The following CDH17 variants were observed in gnomAD, a reference collection of about 807,000 sequenced individuals.
CDH17 encodes cadherin 17, also known as cadherin-17.
CDH17 carries 67 observed loss-of-function variants against 86.3 expected under a neutral mutation model. That is an observed-to-expected ratio of 0.78 (90% CI 0.64 to 0.95). The LOEUF is 0.95. Among genes scored for constraint, CDH17 ranks in the 40% least tolerant of loss-of-function variants. The pLI is 0.00. For synonymous variants in CDH17, 367 were observed against 366.4 expected, an observed-to-expected ratio of 1.00 and a Z score of -0.02; for missense variants, 993 against 1,017.6, an observed-to-expected ratio of 0.98 and a Z score of 0.33.
At chr8:94,149,160 G>A (rs924449483) in intron 13 of CDH17, among the ~76,000 whole-genome samples, 1 of 152,136 alleles carries the variant, frequency 6.6e-6, no homozygotes, top group East Asian at 1.9e-4. Flanking sequence ...ATTAGGAAGG[G>A]TATAGTTCAC....
chr8:94,211,088 A>T (rs1055266440), upstream of CDH17, among the ~76,000 whole-genome samples: 12 of 151,876 alleles, frequency 7.9e-5, no homozygotes, highest in Admixed American at 7.9e-4. Context: ...CTTTCAACTC[A>T]CAGCTTCATG....
chr8:94,156,011 G>A (rs1812942994), intron 12 of CDH17, among the ~76,000 whole-genome samples: 1 of 152,206 alleles, frequency 6.6e-6, no homozygotes, highest in Admixed American at 6.5e-5. Context: ...CCGGCCACGT[G>A]CATTGTGTTT....
intron 4 of CDH17, 111 bp from the exon 5 acceptor site, chr8:94,176,790 A>G: frequency 9.0e-7 from 1 of 1,108,562 alleles, no homozygotes. Flanking sequence ...TGGTGACTGT[A>G]GGAGAGAAAG....
intron 10 of CDH17, among the ~76,000 whole-genome samples, chr8:94,164,963 G>A (rs1301700460): frequency 6.6e-6 from 1 of 152,338 alleles, no homozygotes; most frequent in Non-Finnish European, 1.5e-5. Flanking sequence ...GTATGGGGAA[G>A]AATGTCTCCT....
At chr8:94,188,070 GT>G (rs1181245561) in intron 3 of CDH17, among the ~76,000 whole-genome samples, 1 of 152,124 alleles carries the variant, frequency 6.6e-6, no homozygotes, top group Non-Finnish European at 1.5e-5. Context: ...GCACAATACA[GT>G]TGTCCCTTGG....
At chr8:94,135,676 G>A (rs1586231155) in intron 15 of CDH17, among the ~76,000 whole-genome samples, 1 of 152,250 alleles carries the variant, frequency 6.6e-6, no homozygotes, top group African/African-American at 2.4e-5. Context: ...ATTGTTATGT[G>A]TGAATTTGAT....
At chr8:94,133,682 T>G (rs534636221) in intron 15 of CDH17, among the ~76,000 whole-genome samples, 2 of 152,312 alleles carry the variant, frequency 1.3e-5, no homozygotes, top group African/African-American at 4.8e-5. Context: ...TGGCCAGAAC[T>G]TCCAACACTG....
At chr8:94,136,355 ACT>A (rs896020885) in intron 15 of CDH17, among the ~76,000 whole-genome samples, 2 of 149,912 alleles carry the variant, frequency 1.3e-5, no homozygotes, top group Non-Finnish European at 1.5e-5. Flanking sequence ...GTTTCTTTTT[ACT>A]CTTTTTTTCT....
intron 12 of CDH17, among the ~76,000 whole-genome samples, chr8:94,153,637 T>C (rs1038261325): frequency 6.6e-6 from 1 of 152,156 alleles, no homozygotes; most frequent in African/African-American, 2.4e-5. Flanking sequence ...CAAAATGCAG[T>C]ATATATATGC....
At chr8:94,190,288 C>T (rs911385798) in intron 2 of CDH17, among the ~76,000 whole-genome samples, 9 of 152,216 alleles carry the variant, frequency 5.9e-5, no homozygotes, top group African/African-American at 1.4e-4. Context: ...CCCACCAGAG[C>T]GGGTGAAACA....
At chr8:94,181,724 A>AAAAAG (rs577935069) in intron 3 of CDH17, among the ~76,000 whole-genome samples, 1 of 151,912 alleles carries the variant, frequency 6.6e-6, no homozygotes, top group African/African-American at 2.4e-5. Context: ...CTTAGAAAAA[A>AAAAAG]AAAAGAAAAG....
chr8:94,200,358 G>A (rs928910723), intron 1 of CDH17, among the ~76,000 whole-genome samples: 1 of 152,006 alleles, frequency 6.6e-6, no homozygotes, highest in Admixed American at 6.6e-5. Flanking sequence ...AGAGGATTCT[G>A]TGGCATTTTA....
intron 15 of CDH17, among the ~76,000 whole-genome samples, chr8:94,145,629 A>T (rs2514800): frequency 0.82 from 125,413 of 152,092 alleles, 51,859 homozygotes; most frequent in African/African-American, 0.85. Context: ...TCAAAGTTTT[A>T]AAAAATTTCT....
intron 3 of CDH17, among the ~76,000 whole-genome samples, chr8:94,182,172 G>T (rs1303157758): frequency 1.3e-5 from 2 of 152,006 alleles, no homozygotes; most frequent in Non-Finnish European, 2.9e-5. Flanking sequence ...GAACCAGATG[G>T]CTTCACTAGT....
chr8:94,191,698 C>T (rs1240616406), intron 2 of CDH17, among the ~76,000 whole-genome samples: 3 of 152,156 alleles, frequency 2.0e-5, no homozygotes, highest in East Asian at 1.9e-4. Context: ...AGGTGATCCA[C>T]CCGCCTCAGC....
intron 13 of CDH17, 107 bp from the exon 14 acceptor site, chr8:94,148,981 G>T: frequency 5.0e-6 from 4 of 804,242 alleles, no homozygotes; most frequent in Non-Finnish European, 7.6e-6. Flanking sequence ...GAAATATGTT[G>T]TAAATAATAT....
intron 1 of CDH17, chr8:94,202,590 G>C (rs962560480): frequency 1.8e-5 from 3 of 167,290 alleles, no homozygotes; most frequent in Admixed American, 1.1e-4. Flanking sequence ...GCTGCTCCAG[G>C]AAAACCACCC....
chr8:94,209,426 G>C (rs1563594044), upstream of CDH17, among the ~76,000 whole-genome samples: 1 of 152,174 alleles, frequency 6.6e-6, no homozygotes, highest in East Asian at 1.9e-4. Context: ...CTGAGCTGAG[G>C]TTGTGTTTTC....
intron 1 of CDH17, among the ~76,000 whole-genome samples, chr8:94,195,254 C>T (rs1813761031): frequency 1.3e-5 from 2 of 152,166 alleles, no homozygotes; most frequent in Admixed American, 1.3e-4. Context: ...CTGCCTGCGT[C>T]GGCCTCCCAA....
Sources: allele counts gnomAD v4.1 joint callset (sites outside exome capture counted in the v4.1 genomes callset), GRCh38; gene constraint gnomAD v4.1.1; transcripts MANE v1.5; gene names NCBI Gene and HGNC (gene_info 2026-07-23, HGNC 2026-07-21).